The following MSH4 variants were observed in gnomAD, a reference collection of about 807,000 sequenced individuals.
The protein encoded by MSH4 is mutS protein homolog 4.
Under a neutral mutation model 113.7 loss-of-function variants are expected in MSH4, and 106 were observed. That is an observed-to-expected ratio of 0.93 (90% CI 0.80 to 1.10). The LOEUF (loss-of-function observed/expected upper bound fraction) is 1.10. MSH4 is among the 50% of genes least tolerant of loss of function. MSH4 has a pLI of 0.00. For missense variants in MSH4, 1,061 were observed against 1,093.7 expected (o/e 0.97, Z 0.42); for synonymous variants, 368 against 380.2 (o/e 0.97, Z 0.37).
chr1:75,891,211 T>C (rs1014373901), intron 17 of MSH4, among the ~76,000 whole-genome samples: 6 of 152,308 alleles, frequency 3.9e-5, no homozygotes, highest in Non-Finnish European at 8.8e-5. Context: ...CTATTTTACC[T>C]ACCTAAGTAA....
intron 11 of MSH4, 74 bp from the exon 12 acceptor site, chr1:75,878,918 A>G: frequency 1.5e-6 from 2 of 1,329,162 alleles, no homozygotes; most frequent in Non-Finnish European, 1.1e-6. Context: ...GTGACTCTTT[A>G]AAACAGAGTG....
At chr1:75,815,421 T>G (rs1290692152) in intron 5 of MSH4, among the ~76,000 whole-genome samples, 4 of 152,234 alleles carry the variant, frequency 2.6e-5, no homozygotes, top group African/African-American at 9.6e-5. Flanking sequence ...CATAAGCTAT[T>G]GACCTAATGG....
rs5745493 is a variant in MSH4 at position 75,884,591 on chromosome 1, C to A, written c.2107+770C>A. On this transcript the variant is annotated intron_variant, in intron 15 of 19. Coordinates refer to ENST00000263187, the MANE Select transcript of MSH4 (RefSeq NM_002440.4). The stretch of plus-strand genomic sequence containing the variant: ...GAATGCTGTTAAACATCCTACAATG[C>A]ACAGAACAGCTCTTCCTCTCCACGC... Among the ~76,000 whole-genome samples the A allele has an allele frequency of 3.3e-3, 507 of 152,046 alleles. 14 individuals are homozygous for A. The highest frequency in any genetic ancestry group is 0.023 in the Admixed American group (344 of 15,214).
intron 7 of MSH4, among the ~76,000 whole-genome samples, chr1:75,832,271 C>A (rs1025342303): frequency 5.9e-5 from 9 of 152,076 alleles, no homozygotes; most frequent in Non-Finnish European, 4.4e-5. Context: ...CAATAACAGG[C>A]TCTGAAATTA....
At chr1:75,886,683 T>C (rs7531188) in intron 15 of MSH4, among the ~76,000 whole-genome samples, 16,159 of 133,402 alleles carry the variant, frequency 0.12, 1,187 homozygotes, top group East Asian at 0.25. Context: ...ATTATATACA[T>C]TATAATGTAT....
chr1:75,898,020 T>C lies in MSH4; in HGVS notation c.2469T>C (p.Asn823=), dbSNP rs150437930. 1.0e-5 allele frequency: 16 copies of C among 1,606,606 alleles called. No individual in the cohort carries two copies. Among genetic ancestry groups the C allele is most frequent in the Non-Finnish European group, 1.4e-5 (16 of 1,176,412 alleles). Residue 823 remains asparagine, a synonymous_variant, in exon 18 of 20, where the codon AAT becomes AAC. Coordinates refer to ENST00000263187, the MANE Select transcript of MSH4 (RefSeq NM_002440.4). Reference sequence around the variant, plus strand: ...AACATGTAAAGAATACCTCAAGAAATAAAGAAGCAATTTTGTATACCTACA... The same window carrying C: ...AACATGTAAAGAATACCTCAAGAAACAAAGAAGCAATTTTGTATACCTACA... ...EVQHVKNTSR[N]KEAILYTYKL...
At chr1:75,843,123 A>C (rs4035208) in intron 7 of MSH4, among the ~76,000 whole-genome samples, 149,599 of 152,286 alleles carry the variant, frequency 0.98, 73,531 homozygotes, top group East Asian at 1. Context: ...GGGAAGGGCC[A>C]CCTGTCCAGT....
Position 75,889,251 on chromosome 1 carries a change from G to T in MSH4, c.2108G>T (p.Gly703Val). 1 of 1,319,146 alleles carries T rather than the reference G, an allele frequency of 7.6e-7. No homozygotes were observed. Among genetic ancestry groups the T allele is most frequent in the Non-Finnish European group, 1.1e-6 (1 of 927,642 alleles). 81.7% of individuals were successfully genotyped at this position (1,319,146 alleles called of 1,614,324 possible). The change falls in exon 16 of 20, where the codon GGA (glycine) becomes GTA (valine). Residue 703 changes from glycine to valine, a missense_variant and splice_region_variant. By Grantham distance (109) the Gly-to-Val change is moderately radical. Transcript: ENST00000263187. Reference sequence around the variant, plus strand: ...TTTATCTTGACCTTATATTTTACAGGATCATATGTTCCAGCAGAATATTCT... The same window carrying T: ...TTTATCTTGACCTTATATTTTACAGTATCATATGTTCCAGCAGAATATTCT... ...IALCQIMAQIGSYVPAEYSSF... is the reference protein window; with the variant it reads ...IALCQIMAQIVSYVPAEYSSF...
At chr1:75,911,986 C>G (rs866490509) in intron 19 of MSH4, among the ~76,000 whole-genome samples, 15 of 152,190 alleles carry the variant, frequency 9.9e-5, no homozygotes, top group Middle Eastern at 6.8e-3. Context: ...TCCTGAAGTT[C>G]TATTCAAGAC....
chr1:75,869,419 A>G (rs1376310048), intron 9 of MSH4, among the ~76,000 whole-genome samples: 4 of 152,218 alleles, frequency 2.6e-5, no homozygotes, highest in Non-Finnish European at 4.4e-5. Context: ...CATAAGTAAC[A>G]AGGAGGCAAA....
intron 9 of MSH4, among the ~76,000 whole-genome samples, chr1:75,871,689 T>A (rs146225137): frequency 6.6e-6 from 1 of 152,366 alleles, no homozygotes; most frequent in Admixed American, 6.5e-5. Context: ...GTGCTGGAAA[T>A]GTTTGCAACA....
chr1:75,895,653 A>G (rs1652363527), intron 17 of MSH4, among the ~76,000 whole-genome samples: 2 of 152,142 alleles, frequency 1.3e-5, no homozygotes, highest in Admixed American at 6.6e-5. Context: ...ATAATGTAAC[A>G]TAAGATGTGT....
intron 7 of MSH4, among the ~76,000 whole-genome samples, chr1:75,826,845 G>A (rs1570951851): frequency 6.6e-6 from 1 of 151,950 alleles, no homozygotes; most frequent in Admixed American, 6.6e-5. Context: ...ATTCCATTCT[G>A]TTCCATTTGC....
chr1:75,868,318 GGA>G (rs1285459036), intron 9 of MSH4, among the ~76,000 whole-genome samples: 3 of 152,128 alleles, frequency 2.0e-5, no homozygotes, highest in East Asian at 3.9e-4. Flanking sequence ...ATTAATCTAT[GGA>G]GAGTTATTTT....
At chr1:75,870,066 A>G (rs375800434) in intron 9 of MSH4, among the ~76,000 whole-genome samples, 4 of 152,312 alleles carry the variant, frequency 2.6e-5, no homozygotes, top group East Asian at 3.9e-4. Flanking sequence ...ATGGGAGTTC[A>G]CTTCTTGCAT....
intron 14 of MSH4, among the ~76,000 whole-genome samples, chr1:75,883,123 A>T (rs911080046): frequency 1.3e-5 from 2 of 150,568 alleles, no homozygotes; most frequent in African/African-American, 4.9e-5. Context: ...TCCTATCTCA[A>T]CCCCACAAGT....
chr1:75,885,847 T>C (rs1180907802), intron 15 of MSH4, among the ~76,000 whole-genome samples: 1 of 129,148 alleles, frequency 7.7e-6, no homozygotes, highest in Non-Finnish European at 1.5e-5. Context: ...ATATATTATA[T>C]AGTATATGTA....
intron 16 of MSH4, 114 bp downstream of exon 16, chr1:75,889,483 C>G: frequency 4.0e-6 from 2 of 498,278 alleles, no homozygotes; most frequent in Admixed American, 3.5e-5. Flanking sequence ...ATACCCTTTT[C>G]TAAGAGCCAG....
At chr1:75,867,658 T>G in intron 9 of MSH4, 70 bp downstream of exon 9, 1 of 1,037,580 alleles carries the variant, frequency 9.6e-7, no homozygotes. Context: ...GGAAAAAAAT[T>G]TCAAACTCGG....
Sources: gnomAD v4.1 joint callset for allele counts (sites outside exome capture counted in the v4.1 genomes callset) on GRCh38, gnomAD v4.1.1 for gene constraint, MANE v1.5 for transcripts, NCBI Gene and HGNC (gene_info 2026-07-23, HGNC 2026-07-21) for gene names.